Variants in CSMD1 observed in about 807,000 individuals in gnomAD.
CSMD1 encodes the protein CUB and Sushi multiple domains 1, also known as CUB and sushi domain-containing protein 1.
CSMD1 carries 213 observed loss-of-function variants against 417.5 expected under a neutral mutation model. That is an observed-to-expected ratio of 0.51 (90% CI 0.46 to 0.57). The LOEUF (loss-of-function observed/expected upper bound fraction) is 0.57, where lower values mean the gene tolerates loss of function less well. Ranked by LOEUF, CSMD1 falls within the 20% of genes least tolerant of loss-of-function variation. The probability of loss-of-function intolerance (pLI) is 0.00; values close to 1 mark genes in which losing one functional copy is unlikely to be tolerated. For missense variants in CSMD1, 6,923 were observed against 4,529.7 expected, an observed-to-expected ratio of 1.53 and a Z score of -15.17; for synonymous variants, 2,862 against 1,736.8, an observed-to-expected ratio of 1.65 and a Z score of -16.11.
intron 3 of CSMD1, among the ~76,000 whole-genome samples, chr8:4,136,823 AT>A (rs1473980671): frequency 6.6e-6 from 1 of 152,212 alleles, no homozygotes; most frequent in African/African-American, 2.4e-5. Context: ...GGATCCTGAC[AT>A]CCAAATGTTT....
intron 25 of CSMD1, among the ~76,000 whole-genome samples, chr8:3,285,097 TAGC>T (rs539225916): frequency 1.2e-3 from 176 of 152,264 alleles, no homozygotes; most frequent in Non-Finnish European, 1.9e-3. Flanking sequence ...CAACAAAAAT[TAGC>T]AGCCCTGAAT....
intron 1 of CSMD1, among the ~76,000 whole-genome samples, chr8:4,782,313 T>G (rs993477436): frequency 1.3e-5 from 2 of 152,212 alleles, no homozygotes; most frequent in Non-Finnish European, 2.9e-5. Context: ...CTAGTTACCT[T>G]GATTTGATCA....
At chr8:3,675,524 A>G (rs1310112234) in intron 7 of CSMD1, among the ~76,000 whole-genome samples, 1 of 152,098 alleles carries the variant, frequency 6.6e-6, no homozygotes, top group African/African-American at 2.4e-5. Context: ...CCAATCTCCA[A>G]TGAGATGGTG....
chr8:3,143,054 A>T (rs73491727), intron 40 of CSMD1, among the ~76,000 whole-genome samples: 7,526 of 152,252 alleles, frequency 0.049, 632 homozygotes, highest in African/African-American at 0.17. Context: ...TGAAGTTGTG[A>T]TCATCTGTTA....
chr8:4,246,746 T>A (rs1802738675), intron 3 of CSMD1, among the ~76,000 whole-genome samples: 1 of 152,112 alleles, frequency 6.6e-6, no homozygotes, highest in Non-Finnish European at 1.5e-5. Context: ...TTTATTTAAA[T>A]AAAGAAAACA....
At position 4,533,194 on chromosome 8, in the gene CSMD1, TC is replaced by T. The variant is rs1377981293; in HGVS notation, c.302+104147del. ...TGTACCCACGTGGTAGCATTTGTCATCGTAGTACTACATTTTAAACATGTAA... is the reference window on the plus strand; with the variant it reads ...TGTACCCACGTGGTAGCATTTGTCATGTAGTACTACATTTTAAACATGTAA... On this transcript the variant is annotated intron_variant, in intron 2 of 69. Coordinates refer to ENST00000635120, the MANE Select transcript of CSMD1 (RefSeq NM_033225.6). Among the ~76,000 whole-genome samples the T allele has an allele frequency of 5.3e-5, 8 of 152,326 alleles. No individual in the cohort carries two copies. The East Asian group carries it at 1.5e-3, about 29-fold the overall frequency.
intron 3 of CSMD1, among the ~76,000 whole-genome samples, chr8:4,053,393 C>T (rs539028811): frequency 6.6e-6 from 1 of 151,226 alleles, no homozygotes; most frequent in South Asian, 2.1e-4. Context: ...CGCTGACTGC[C>T]TCTACCTTGG....
intron 16 of CSMD1, among the ~76,000 whole-genome samples, chr8:3,396,591 T>C (rs1198349337): frequency 6.6e-6 from 1 of 152,194 alleles, no homozygotes; most frequent in African/African-American, 2.4e-5. Context: ...CTTTCTCTTA[T>C]CTAATATTCT....
At chr8:3,292,705 T>C (rs1054488015) in intron 25 of CSMD1, among the ~76,000 whole-genome samples, 8 of 152,206 alleles carry the variant, frequency 5.3e-5, no homozygotes, top group Non-Finnish European at 1.2e-4. Context: ...CCTTTTATTT[T>C]GAGCCTATGT....
At chr8:3,295,455 G>A (rs988505121) in intron 25 of CSMD1, among the ~76,000 whole-genome samples, 1 of 152,112 alleles carries the variant, frequency 6.6e-6, no homozygotes, top group African/African-American at 2.4e-5. Context: ...TTATGGGAGA[G>A]ACCGTTATAC....
intron 1 of CSMD1, among the ~76,000 whole-genome samples, chr8:4,777,207 G>C (rs141363681): frequency 2.8e-4 from 43 of 152,288 alleles, no homozygotes; most frequent in African/African-American, 9.6e-4. Flanking sequence ...TTTTACCAAA[G>C]ACAGCTAAAC....
chr8:3,165,622 C>T (rs1173690161), intron 37 of CSMD1, among the ~76,000 whole-genome samples: 4 of 151,758 alleles, frequency 2.6e-5, no homozygotes, highest in Non-Finnish European at 5.9e-5. Context: ...TTAGAAAAGA[C>T]GGGGTTTCAC....
intron 1 of CSMD1, among the ~76,000 whole-genome samples, chr8:4,638,202 T>G (rs1051041566): frequency 1.3e-5 from 2 of 152,168 alleles, no homozygotes; most frequent in Non-Finnish European, 2.9e-5. Context: ...CTACATAGTA[T>G]CATGCTTAAA....
intron 49 of CSMD1, among the ~76,000 whole-genome samples, chr8:3,057,331 A>T (rs1292301136): frequency 4.6e-5 from 7 of 152,198 alleles, no homozygotes; most frequent in Admixed American, 3.9e-4. Flanking sequence ...GCAAAACATT[A>T]TGTTTGTATA....
At chr8:4,490,148 C>T (rs911335188) in intron 2 of CSMD1, among the ~76,000 whole-genome samples, 1 of 150,524 alleles carries the variant, frequency 6.6e-6, no homozygotes, top group African/African-American at 2.4e-5. Flanking sequence ...TCAAGTGATT[C>T]TCCTGCTTCA....
rs766424869 is a variant in CSMD1 at position 3,998,026 on chromosome 8, G to A, written c.695C>T (p.Ala232Val). 5.6e-6 allele frequency: 9 copies of A among 1,606,044 alleles called. No individual in the cohort carries two copies. Among genetic ancestry groups the A allele is most frequent in the South Asian group, 4.5e-5 (4 of 89,454 alleles). ...PHFPSEYENN[A>V]DCTWTILAEP... ...AGCCAGAATGGTCCAGGTGCAGTCC[G>A]CGTTGTTCTCGTACTCTGAAGGGAA... is the stretch of plus-strand genomic sequence containing the variant. The change falls in exon 5 of 70, where the codon GCG (alanine) becomes GTG (valine). Residue 232 changes from alanine to valine, a missense_variant. Coordinates refer to ENST00000635120, the MANE Select transcript of CSMD1 (RefSeq NM_033225.6).
At position 3,183,610 on chromosome 8, in the gene CSMD1, T is replaced by G. The variant is rs1821566321; in HGVS notation, c.5621-2396A>C. On this transcript the variant is annotated intron_variant, in intron 36 of 69. Transcript: ENST00000635120. ...ATCCCTGAAATATCGAGTAGGTCTC[T>G]AATGTTTCTTAACGATACCATCGGC... 2.0e-5 allele frequency among the ~76,000 whole-genome samples: 3 copies of G among 150,644 alleles called. No individual in the cohort carries two copies. In the South Asian group the frequency reaches 6.4e-4, roughly 32 times the overall value.
chr8:3,794,411 C>A (rs780403493), intron 5 of CSMD1, among the ~76,000 whole-genome samples: 4 of 152,098 alleles, frequency 2.6e-5, no homozygotes, highest in Admixed American at 6.6e-5. Context: ...TCACTAACAA[C>A]CTGTACCTTT....
chr8:3,853,533 G>A (rs74387682), intron 5 of CSMD1, among the ~76,000 whole-genome samples: 108 of 152,172 alleles, frequency 7.1e-4, no homozygotes, highest in African/African-American at 2.6e-3. Context: ...GTTACTAGAA[G>A]ATGCTCAATC....
Sources: gnomAD v4.1 joint callset for allele counts (sites outside exome capture counted in the v4.1 genomes callset) on GRCh38, gnomAD v4.1.1 for gene constraint, MANE v1.5 for transcripts, NCBI Gene and HGNC (gene_info 2026-07-23, HGNC 2026-07-21) for gene names.